The following FGF16 variants were observed in gnomAD, a reference collection of about 807,000 sequenced individuals.
FGF16 encodes the protein fibroblast growth factor 16.
A neutral mutation model predicts 8.5 loss-of-function variants in FGF16; 2 were observed. The ratio of observed to expected loss-of-function variants is 0.24; its 90% CI spans 0.10 to 0.75. FGF16 has a LOEUF of 0.75. FGF16 is among the 30% of genes least tolerant of loss of function. The pLI is 0.74. For missense variants in FGF16, 79 were observed against 87.4 expected (o/e 0.90, Z 0.38); for synonymous variants, 33 against 34.6 (o/e 0.95, Z 0.16).
intron 1 of FGF16, 56 bp downstream of exon 1, chrX:77,448,004 C>A: frequency 3.4e-6 from 1 of 297,250 alleles, no homozygotes; most frequent in African/African-American, 2.7e-5. Flanking sequence ...GGGGAGCCCA[C>A]AGCTCCGGGC....
intron 1 of FGF16, among the ~76,000 whole-genome samples, chrX:77,449,826 A>AACTGACTGCTTC (rs1205971548): frequency 8.9e-6 from 1 of 111,736 alleles, no homozygotes; most frequent in Non-Finnish European, 1.9e-5. Flanking sequence ...ACTGCTGCTT[A>AACTGACTGCTTC]ACTGACTGCT....
intron 1 of FGF16, among the ~76,000 whole-genome samples, chrX:77,452,631 C>CA (rs781855132): frequency 2.7e-5 from 3 of 112,823 alleles, no homozygotes; most frequent in African/African-American, 9.6e-5. Context: ...CATACCTGAA[C>CA]AGCAGCCCAC....
intron 1 of FGF16, among the ~76,000 whole-genome samples, chrX:77,449,983 T>C (rs1175511093): frequency 8.9e-6 from 1 of 112,394 alleles, no homozygotes; most frequent in Non-Finnish European, 1.9e-5. Context: ...GCTGTCTCTT[T>C]GTAACCTTCC....
At chrX:77,449,746 G>A (rs919198705) in intron 1 of FGF16, among the ~76,000 whole-genome samples, 1 of 110,880 alleles carries the variant, frequency 9.0e-6, no homozygotes, top group Non-Finnish European at 1.9e-5. Flanking sequence ...CATTTCCCAG[G>A]TCTGCTAAGG....
At chrX:77,449,311 G>T (rs1322905087) in intron 1 of FGF16, among the ~76,000 whole-genome samples, 1 of 111,493 alleles carries the variant, frequency 9.0e-6, no homozygotes, top group Admixed American at 9.6e-5. Flanking sequence ...AGGGGTGCAG[G>T]TGTCTGTATA....
intron 2 of FGF16, 21 bp from the exon 3 acceptor site, chrX:77,456,256 T>C (rs1261599792): frequency 8.3e-7 from 1 of 1,207,414 alleles, no homozygotes; most frequent in African/African-American, 1.7e-5. Context: ...TGGGTTCTGC[T>C]TTATTTTCTC....
chrX:77,451,042 T>C (rs2062555805), intron 1 of FGF16, among the ~76,000 whole-genome samples: 1 of 112,269 alleles, frequency 8.9e-6, no homozygotes, highest in African/African-American at 3.2e-5. Context: ...TCCATCATCA[T>C]GTGCCACTGG....
At chrX:77,453,514 A>G (rs1429999703) in intron 1 of FGF16, among the ~76,000 whole-genome samples, 1 of 112,402 alleles carries the variant, frequency 8.9e-6, no homozygotes, top group Admixed American at 9.4e-5. Flanking sequence ...TCAAAAGAGA[A>G]TGATAGGCTT....
chrX:77,456,765 A>T lies in FGF16; in HGVS notation c.*243A>T. The T allele has an allele frequency of 3.4e-6, 1 of 294,664 alleles. No individual in the cohort carries two copies. Among genetic ancestry groups the T allele is most frequent in the Non-Finnish European group, 5.9e-6 (1 of 168,308 alleles). The allele number at this position is 294,664 out of a possible 1,213,427, so 24.3% of individuals were successfully genotyped here. On this transcript the variant is annotated 3_prime_UTR_variant, in exon 3 of 3. Coordinates refer to ENST00000439435, the MANE Select transcript of FGF16 (RefSeq NM_003868.3). ...CTTGTATATACTTTTTTCTTTACTC[A>T]TGTTCCTTCCCCTGAGGTAGCATAA... is the stretch of plus-strand genomic sequence containing the variant.
chrX:77,454,792 T>A (rs1483937343), intron 2 of FGF16, among the ~76,000 whole-genome samples: 1 of 84,374 alleles, frequency 1.2e-5, no homozygotes, highest in East Asian at 3.6e-4. Context: ...AAAACAAGCT[T>A]TTTTTTTTTT....
chrX:77,454,065 T>C lies in FGF16; in HGVS notation c.275-92T>C, dbSNP rs2062564960. On this transcript the variant is annotated intron_variant, in intron 1 of 2. Coordinates refer to ENST00000439435, the MANE Select transcript of FGF16 (RefSeq NM_003868.3). ...AAAGGCACACAGGGCTGGCCTCCAG[T>C]TGGGGACAAATGACTGGTAGCTCAT... The C allele has an allele frequency of 1.9e-5, 11 of 594,246 alleles. No homozygotes were observed. The Middle Eastern group carries it at 1.8e-3, about 99-fold the overall frequency. 49.0% of individuals were successfully genotyped at this position (594,246 alleles called of 1,213,427 possible). A position where few individuals can be genotyped will look rare whatever the true frequency, so the allele number is the denominator to read the frequency against.
rs1167972609 is a variant in FGF16 at position 77,447,617 on chromosome X, G to C, written c.-58G>C. 11 of 295,153 alleles carry C rather than the reference G, an allele frequency of 3.7e-5. No individual in the cohort carries two copies. The Admixed American group carries it at 6.7e-4, about 18-fold the overall frequency. The allele number at this position is 295,153 out of a possible 1,213,427, so 24.3% of individuals were successfully genotyped here. ...TGCGGGGAGAGGCAGTTCGCGCCCCGTGGCCCCGGCTCGGCCCGCGCGCGC... is the reference window on the plus strand; with the variant it reads ...TGCGGGGAGAGGCAGTTCGCGCCCCCTGGCCCCGGCTCGGCCCGCGCGCGC... On this transcript the variant is annotated 5_prime_UTR_variant, in exon 1 of 3. Coordinates refer to ENST00000439435, the MANE Select transcript of FGF16 (RefSeq NM_003868.3).
chrX:77,450,041 A>C (rs2062552326), intron 1 of FGF16, among the ~76,000 whole-genome samples: 1 of 112,372 alleles, frequency 8.9e-6, no homozygotes, highest in Admixed American at 9.5e-5. Context: ...CTTTTGGCAC[A>C]GAAAGAGGTG....
At chrX:77,451,119 G>A (rs1452597456) in intron 1 of FGF16, among the ~76,000 whole-genome samples, 4 of 111,821 alleles carry the variant, frequency 3.6e-5, no homozygotes, top group African/African-American at 1.3e-4. Context: ...AAGACAGCTG[G>A]GCAGGGATAA....
chrX:77,453,443 C>T (rs962472203), intron 1 of FGF16, among the ~76,000 whole-genome samples: 4 of 112,230 alleles, frequency 3.6e-5, no homozygotes, highest in Non-Finnish European at 7.5e-5. Context: ...TACAACATCT[C>T]AAATCAGTAT....
Position 77,447,908 on chromosome X carries a change from C to T in FGF16, c.234C>T (p.Asn78=), listed in dbSNP as rs1010515784. 32 of 296,989 alleles carry T rather than the reference C, an allele frequency of 1.1e-4. No individual in the cohort carries two copies. The highest frequency in any genetic ancestry group is 1.5e-4 in the Non-Finnish European group (26 of 170,179). 24.5% of individuals were successfully genotyped at this position (296,989 alleles called of 1,213,427 possible). ...RTGFHLEIFP[N]GTVHGTRHDH... ...GCTTCCACCTGGAGATCTTCCCCAA[C>T]GGCACGGTGCACGGGACCCGCCACG... The change falls in exon 1 of 3, where the codon AAC becomes AAT. Residue 78 remains asparagine, a synonymous_variant. Coordinates refer to ENST00000439435, the MANE Select transcript of FGF16 (RefSeq NM_003868.3).
At chrX:77,447,984 A>G in intron 1 of FGF16, 36 bp downstream of exon 1, 1 of 297,507 alleles carries the variant, frequency 3.4e-6, no homozygotes. Flanking sequence ...AGGCGGGCGG[A>G]CGGCGCACTG....
intron 1 of FGF16, among the ~76,000 whole-genome samples, chrX:77,450,502 G>A (rs782770706): frequency 8.9e-6 from 1 of 112,798 alleles, no homozygotes; most frequent in Admixed American, 9.3e-5. Flanking sequence ...GACTGGCAGA[G>A]CAGAGCTTGG....
At position 77,456,474 on chromosome X, in the gene FGF16, T is replaced by G; in HGVS notation, c.576T>G (p.Asp192Glu). 1.7e-6 allele frequency: 2 copies of G among 1,208,723 alleles called. No homozygotes were observed. Among genetic ancestry groups the G allele is most frequent in the Non-Finnish European group, 2.2e-6 (2 of 892,862 alleles). ...CTCACTTTTTACCCAGGCCTGTAGATCCTTCTAAGTTGCCCTCCATGTCCA... is the reference window on the plus strand; with the variant it reads ...CTCACTTTTTACCCAGGCCTGTAGAGCCTTCTAAGTTGCCCTCCATGTCCA... ...KFTHFLPRPV[D>E]PSKLPSMSRD... Residue 192 changes from aspartate to glutamate, a missense_variant, in exon 3 of 3, where the codon GAT (aspartate) becomes GAG (glutamate). Physicochemically the swap from Asp to Glu is conservative, Grantham distance 45. Transcript: ENST00000439435.
Sources: allele counts gnomAD v4.1 joint callset (sites outside exome capture counted in the v4.1 genomes callset), GRCh38; gene constraint gnomAD v4.1.1; transcripts MANE v1.5; gene names NCBI Gene and HGNC (gene_info 2026-07-23, HGNC 2026-07-21).